Variants in LRFN4 observed in about 807,000 individuals in gnomAD.
LRFN4 encodes leucine-rich repeat and fibronectin type-III domain-containing protein 4.
In LRFN4, 10 loss-of-function variants were observed where a neutral mutation model predicts 29.0. The observed-to-expected ratio is 0.35, with a 90% CI of 0.21 to 0.59. The LOEUF is 0.59. Ranked by LOEUF, LRFN4 falls within the 20% of genes least tolerant of loss-of-function variation. LRFN4 has a pLI of 0.82. For missense variants in LRFN4, 850 were observed against 907.9 expected (o/e 0.94, Z 0.82); for synonymous variants, 493 against 437.0 (o/e 1.13, Z -1.60).
Position 66,858,496 on chromosome 11 carries a change from C to T in LRFN4, c.752C>T (p.Pro251Leu), listed in dbSNP as rs763082444. Residue 251 changes from proline (P) to leucine (L), a missense_variant, in exon 1 of 2, where the codon CCG becomes CTG. By Grantham distance (98) the Pro-to-Leu change is moderately conservative. This residue lies in a region of LRFN4 where 744 missense variants were observed against 753.8 expected (regional missense o/e 0.99). Coordinates refer to ENST00000309602, the MANE Select transcript of LRFN4 (RefSeq NM_024036.5). The surrounding 1 kb of genome is among the most constrained non-coding windows in gnomAD (Gnocchi z 5.9). Reference protein sequence around the residue: ...ELLWLRRLARPDDLETCASPP... With the variant: ...ELLWLRRLARLDDLETCASPP... Reference sequence around the variant, plus strand: ...CTGTGGCTGCGGCGGCTGGCGCGGCCGGACGACCTGGAAACGTGCGCCTCC... The same window carrying T: ...CTGTGGCTGCGGCGGCTGGCGCGGCTGGACGACCTGGAAACGTGCGCCTCC... 2 of 1,538,126 alleles carry T rather than the reference C, an allele frequency of 1.3e-6. No homozygotes were observed. Among genetic ancestry groups the T allele is most frequent in the Non-Finnish European group, 1.7e-6 (2 of 1,148,032 alleles).
rs1304272365 is a variant in LRFN4, at chr11:66,858,409, C to G, written c.665C>G (p.Ala222Gly). ...TTCTCTCGTGGGCGTGATGCAGAGG[C>G]CTCTCCCGCCCCCCTGGTGCTGAGC... ...PLFSRGRDAE[A>G]SPAPLVLSFS... Residue 222 changes from alanine to glycine, a missense_variant, in exon 1 of 2, where the codon GCC becomes GGC. Coordinates refer to ENST00000309602, the MANE Select transcript of LRFN4 (RefSeq NM_024036.5). This position sits in a 1 kb window ranked among gnomAD's most constrained non-coding sequence, Gnocchi z 5.9. The G allele has an allele frequency of 3.9e-6, 6 of 1,556,594 alleles. No homozygotes were observed. Among genetic ancestry groups the G allele is most frequent in the Non-Finnish European group, 5.2e-6 (6 of 1,156,764 alleles).
chr11:66,858,905 G>A lies in LRFN4; in HGVS notation c.1161G>A (p.Ser387=), dbSNP rs775261146. ...CCGAGGGGGGCCGCCCCGGGCCCTC[G>A]GACATCGCCGCCTCCGCTCGCACTG... ...SSAEGGRPGP[S]DIAASARTAA... Residue 387 remains serine (S), a synonymous_variant, in exon 1 of 2, where the codon TCG becomes TCA. Coordinates refer to ENST00000309602, the MANE Select transcript of LRFN4 (RefSeq NM_024036.5). This position sits in a 1 kb window ranked among gnomAD's most constrained non-coding sequence, Gnocchi z 5.9. The A allele has an allele frequency of 3.5e-5, 55 of 1,563,426 alleles. No homozygotes were observed. The highest frequency in any genetic ancestry group is 2.0e-4 in the Admixed American group (11 of 54,264).
rs1036400466 is a variant in LRFN4, at chr11:66,859,910, C to A, written c.1623C>A (p.Gly541=). Residue 541 remains glycine, a synonymous_variant, in exon 2 of 2, where the codon GGC becomes GGA. Coordinates refer to ENST00000309602, the MANE Select transcript of LRFN4 (RefSeq NM_024036.5). ...LVFTVALLVR[G]RGAGNGRLPL... is the part of the protein sequence containing the mutation. ...TCACTGTGGCCTTGCTGGTTCGGGGCCGGGGGGCCGGAAATGGCCGCCTCC... is the reference window on the plus strand; with the variant it reads ...TCACTGTGGCCTTGCTGGTTCGGGGACGGGGGGCCGGAAATGGCCGCCTCC... 64 of 1,580,804 alleles carry A rather than the reference C, an allele frequency of 4.0e-5. No homozygotes were observed. Among genetic ancestry groups the A allele is most frequent in the Middle Eastern group, 1.9e-4 (1 of 5,358 alleles).
rs1265587503 is a variant in LRFN4, at chr11:66,857,559, G to A, written c.-186G>A. The A allele has an allele frequency of 3.3e-6, 2 of 608,384 alleles. No individual in the cohort carries two copies. The highest frequency in any genetic ancestry group is 5.7e-6 in the Non-Finnish European group (2 of 352,772). 37.7% of individuals were successfully genotyped at this position (608,384 alleles called of 1,614,324 possible). A position where few individuals can be genotyped will look rare whatever the true frequency, so the allele number is the denominator to read the frequency against. ...GCTTGGGAAATGTGACCTTTGCTCTGGGGGGCCTGGCCCTGCAGGCCCCAA... is the reference window on the plus strand; with the variant it reads ...GCTTGGGAAATGTGACCTTTGCTCTAGGGGGCCTGGCCCTGCAGGCCCCAA... On this transcript the variant is annotated 5_prime_UTR_variant, in exon 1 of 2. Coordinates refer to ENST00000309602, the MANE Select transcript of LRFN4 (RefSeq NM_024036.5). This position sits in a 1 kb window ranked among gnomAD's most constrained non-coding sequence, Gnocchi z 7.1.
Position 66,858,512 on chromosome 11 carries a change from G to A in LRFN4, c.768G>A (p.Thr256=), listed in dbSNP as rs762107008. The change falls in exon 1 of 2, where the codon ACG becomes ACA. Residue 256 remains threonine, a synonymous_variant. Coordinates refer to ENST00000309602, the MANE Select transcript of LRFN4 (RefSeq NM_024036.5). This position sits in a 1 kb window ranked among gnomAD's most constrained non-coding sequence, Gnocchi z 5.9. The stretch of plus-strand genomic sequence containing the variant: ...TGGCGCGGCCGGACGACCTGGAAAC[G>A]TGCGCCTCCCCGCCCGGCCTGGCCG... ...RRLARPDDLE[T]CASPPGLAGR... 354 of 1,535,502 alleles carry A rather than the reference G, an allele frequency of 2.3e-4. 1 individual carries two copies. The highest frequency in any genetic ancestry group is 3.3e-4 in the Middle Eastern group (2 of 6,000).
intron 1 of LRFN4, 25 bp from the exon 2 acceptor site, chr11:66,859,610 GCT>G: frequency 6.2e-7 from 1 of 1,612,072 alleles, no homozygotes; most frequent in Non-Finnish European, 8.5e-7. Context: ...CCAGCCCCGG[GCT>G]CTGACCACCT....
rs778394597 is a variant in LRFN4 at position 66,859,800 on chromosome 11, C to T, written c.1513C>T (p.Leu505=). ...AHFSTLPASP[L]CHALQAHVLG... is the part of the protein sequence containing the mutation. The stretch of plus-strand genomic sequence containing the variant: ...TTTCTCCACGCTGCCGGCCTCGCCC[C>T]TGTGCCACGCCCTGCAGGCCCACGT... The change falls in exon 2 of 2, where the codon CTG becomes TTG. Residue 505 remains leucine, a synonymous_variant. Transcript: ENST00000309602. 4 of 1,592,780 alleles carry T rather than the reference C, an allele frequency of 2.5e-6. No homozygotes were observed. The highest frequency in any genetic ancestry group is 1.7e-5 in the Admixed American group (1 of 58,284).
chr11:66,860,083 G>A lies in LRFN4; in HGVS notation c.1796G>A (p.Arg599His), dbSNP rs758583914. The part of the protein sequence containing the change: ...GDAGCYGYAR[R>H]LGGAWARRSH... ...GCCGGGTGCTACGGTTATGCCAGGC[G>A]CCTGGGAGGAGCTTGGGCCCGACGG... is the stretch of plus-strand genomic sequence containing the variant. Residue 599 changes from arginine (R) to histidine (H), a missense_variant, in exon 2 of 2, where the codon CGC becomes CAC. Coordinates refer to ENST00000309602, the MANE Select transcript of LRFN4 (RefSeq NM_024036.5). 7 of 1,555,980 alleles carry A rather than the reference G, an allele frequency of 4.5e-6. No homozygotes were observed. The highest frequency in any genetic ancestry group is 1.9e-5 in the Admixed American group (1 of 51,402).
rs1266573419 is a variant in LRFN4, at chr11:66,860,297, A to G, written c.*102A>G. On this transcript the variant is annotated 3_prime_UTR_variant, in exon 2 of 2. Transcript: ENST00000309602. Reference sequence around the variant, plus strand: ...GAGTCCCTCCCTGGTTTTTATTCTCAGTACCTCAGGCTCCCCTGTGTACTT... The same window carrying G: ...GAGTCCCTCCCTGGTTTTTATTCTCGGTACCTCAGGCTCCCCTGTGTACTT... 6.8e-7 allele frequency: 1 copy of G among 1,466,174 alleles called. No individual in the cohort carries two copies. Among genetic ancestry groups the G allele is most frequent in the East Asian group, 2.5e-5 (1 of 40,584 alleles). 90.8% of individuals were successfully genotyped at this position (1,466,174 alleles called of 1,614,324 possible).
chr11:66,860,002 C>A lies in LRFN4; in HGVS notation c.1715C>A (p.Pro572Gln). Residue 572 changes from proline (P) to glutamine (Q), a missense_variant, in exon 2 of 2, where the codon CCG (proline) becomes CAG (glutamine). Physicochemically the swap from Pro to Gln is moderately conservative, Grantham distance 76. Around this residue, in one of 2 missense-constraint regions of LRFN4, gnomAD observed 744 missense variants for 753.8 expected, o/e 0.99. Transcript: ENST00000309602. Reference sequence around the variant, plus strand: ...CCCAGCCCCACACCCAAGGCCCACCCGCCGCGGAGCCCCCCGCCCCGGCCG... The same window carrying A: ...CCCAGCCCCACACCCAAGGCCCACCAGCCGCGGAGCCCCCCGCCCCGGCCG... ...GGPSPTPKAH[P>Q]PRSPPPRPQR... The A allele has an allele frequency of 1.3e-6, 2 of 1,593,450 alleles. No homozygotes were observed. Among genetic ancestry groups the A allele is most frequent in the Non-Finnish European group, 1.7e-6 (2 of 1,170,082 alleles).
Position 66,857,872 on chromosome 11 carries a change from C to T in LRFN4, c.128C>T (p.Pro43Leu), listed in dbSNP as rs369616742. The T allele has an allele frequency of 6.2e-7, 1 of 1,610,344 alleles. No homozygotes were observed. The highest frequency in any genetic ancestry group is 1.3e-5 in the African/African-American group (1 of 74,888). Reference sequence around the variant, plus strand: ...GCCCACCGAGGCCTGCTGTTTGTGCCGCCCAACGTGGACCGGCGCACAGTG... The same window carrying T: ...GCCCACCGAGGCCTGCTGTTTGTGCTGCCCAACGTGGACCGGCGCACAGTG... ...LCAHRGLLFV[P>L]PNVDRRTVEL... The change falls in exon 1 of 2, where the codon CCG becomes CTG. Residue 43 changes from proline (P) to leucine (L), a missense_variant. By Grantham distance (98) the Pro-to-Leu change is moderately conservative (BLOSUM62 -3). Transcript: ENST00000309602. The surrounding 1 kb of genome is among the most constrained non-coding windows in gnomAD (Gnocchi z 7.1).
In LRFN4 at chr11:66,857,698, G is replaced by T; in HGVS notation, c.-47G>T. On this transcript the variant is annotated 5_prime_UTR_variant, in exon 1 of 2. Coordinates refer to ENST00000309602, the MANE Select transcript of LRFN4 (RefSeq NM_024036.5). This position sits in a 1 kb window ranked among gnomAD's most constrained non-coding sequence, Gnocchi z 7.1. ...TGGGCCCAAGTGGGCACCTGCGCCAGCCCCACCTGTGCCTGGGCTGTGGCC... is the reference window on the plus strand; with the variant it reads ...TGGGCCCAAGTGGGCACCTGCGCCATCCCCACCTGTGCCTGGGCTGTGGCC... 1 of 1,547,756 alleles carries T rather than the reference G, an allele frequency of 6.5e-7. No homozygotes were observed. The highest frequency in any genetic ancestry group is 8.7e-7 in the Non-Finnish European group (1 of 1,152,196).
chr11:66,858,500 C>T lies in LRFN4; in HGVS notation c.756C>T (p.Asp252=), dbSNP rs1422513416. 7 of 1,537,540 alleles carry T rather than the reference C, an allele frequency of 4.6e-6. No homozygotes were observed. The highest frequency in any genetic ancestry group is 1.4e-5 in the African/African-American group (1 of 73,122). Residue 252 remains aspartate, a synonymous_variant, in exon 1 of 2, where the codon GAC becomes GAT. Transcript: ENST00000309602. The surrounding 1 kb of genome is among the most constrained non-coding windows in gnomAD (Gnocchi z 5.9). ...LLWLRRLARP[D]DLETCASPPG... ...GGCTGCGGCGGCTGGCGCGGCCGGA[C>T]GACCTGGAAACGTGCGCCTCCCCGC...
intron 1 of LRFN4, 105 bp from the exon 2 acceptor site, chr11:66,859,532 T>G (rs962417135): frequency 7.2e-5 from 111 of 1,548,018 alleles, no homozygotes; most frequent in Non-Finnish European, 9.2e-5. Flanking sequence ...AGAGCCCGAG[T>G]GGCCCCAGGG....
In LRFN4 at chr11:66,857,439, G is replaced by A. The variant is rs1312782367; in HGVS notation, c.-306G>A. 5.9e-6 allele frequency: 2 copies of A among 338,516 alleles called. No individual in the cohort carries two copies. The highest frequency in any genetic ancestry group is 1.1e-5 in the Non-Finnish European group (2 of 187,300). The allele number at this position is 338,516 out of a possible 1,614,324, so 21.0% of individuals were successfully genotyped here. On this transcript the variant is annotated 5_prime_UTR_variant, in exon 1 of 2. Transcript: ENST00000309602. This position sits in a 1 kb window ranked among gnomAD's most constrained non-coding sequence, Gnocchi z 7.1. ...GCTGGCGATTCCTGGGGACGCCTGGGAAAGGAAGTTCCGGGACCCTCCCTG... is the reference window on the plus strand; with the variant it reads ...GCTGGCGATTCCTGGGGACGCCTGGAAAAGGAAGTTCCGGGACCCTCCCTG...
In LRFN4 at chr11:66,858,189, G is replaced by A; in HGVS notation, c.445G>A (p.Asp149Asn). 1 of 1,612,010 alleles carries A rather than the reference G, an allele frequency of 6.2e-7. No individual in the cohort carries two copies. The highest frequency in any genetic ancestry group is 8.5e-7 in the Non-Finnish European group (1 of 1,179,558). ...CGACGACTTCCTAGAGAGCCTGGAG[G>A]ACCTGGACCTGTCCTACAACAACCT... ...AFDDFLESLE[D>N]LDLSYNNLRQ... Residue 149 changes from aspartate (D) to asparagine (N), a missense_variant, in exon 1 of 2, where the codon GAC (aspartate) becomes AAC (asparagine). Physicochemically the swap from Asp to Asn is conservative, Grantham distance 23. This residue lies in a region of LRFN4 where 744 missense variants were observed against 753.8 expected (regional missense o/e 0.99). Transcript: ENST00000309602. This position sits in a 1 kb window ranked among gnomAD's most constrained non-coding sequence, Gnocchi z 5.9.
intron 1 of LRFN4, among the ~76,000 whole-genome samples, chr11:66,859,374 G>A (rs752236043): frequency 2.0e-5 from 3 of 152,288 alleles, no homozygotes; most frequent in African/African-American, 4.8e-5. Flanking sequence ...TCTGTCTGAA[G>A]CACATGGCCC....
chr11:66,857,606 C>G lies in LRFN4; in HGVS notation c.-139C>G. 1 of 918,376 alleles carries G rather than the reference C, an allele frequency of 1.1e-6. No individual in the cohort carries two copies. The highest frequency in any genetic ancestry group is 1.6e-6 in the Non-Finnish European group (1 of 629,164). The allele number at this position is 918,376 out of a possible 1,614,324, so 56.9% of individuals were successfully genotyped here. A position where few individuals can be genotyped will look rare whatever the true frequency, so the allele number is the denominator to read the frequency against. ...CCAACCTTCCCTCATCTCTGGCGGCCCTCTTGGGCCTCTGACCCAGCCCCT... is the reference window on the plus strand; with the variant it reads ...CCAACCTTCCCTCATCTCTGGCGGCGCTCTTGGGCCTCTGACCCAGCCCCT... On this transcript the variant is annotated 5_prime_UTR_variant, in exon 1 of 2. Coordinates refer to ENST00000309602, the MANE Select transcript of LRFN4 (RefSeq NM_024036.5). This position sits in a 1 kb window ranked among gnomAD's most constrained non-coding sequence, Gnocchi z 7.1.
Position 66,857,387 on chromosome 11 carries a change from G to T in LRFN4, c.-358G>T. ...TCGGGGGGCGCCTTCTCTGGCGGGG[G>T]AGGGTATGGCGGGGAGTGGGGAGGC... On this transcript the variant is annotated 5_prime_UTR_variant, in exon 1 of 2. Transcript: ENST00000309602. This position sits in a 1 kb window ranked among gnomAD's most constrained non-coding sequence, Gnocchi z 7.1. The T allele has an allele frequency of 4.3e-6, 1 of 230,586 alleles. No individual in the cohort carries two copies. The highest frequency in any genetic ancestry group is 8.4e-6 in the Non-Finnish European group (1 of 118,864). The allele number at this position is 230,586 out of a possible 1,614,324, so 14.3% of individuals were successfully genotyped here.
Sources: allele counts gnomAD v4.1 joint callset (sites outside exome capture counted in the v4.1 genomes callset), GRCh38; gene constraint gnomAD v4.1.1; regional missense constraint gnomAD v4.1.1; non-coding constraint Gnocchi (gnomAD v3.1); transcripts MANE v1.5; gene names NCBI Gene and HGNC (gene_info 2026-07-23, HGNC 2026-07-21).